Variants in MTCH2 observed in about 807,000 individuals in gnomAD.
The protein encoded by MTCH2 is mitochondrial carrier homolog 2.
A neutral mutation model predicts 50.6 loss-of-function variants in MTCH2; 25 were observed. The ratio of observed to expected loss-of-function variants is 0.49; its 90% confidence interval spans 0.36 to 0.69. The LOEUF is 0.69. Among genes scored for constraint, MTCH2 ranks in the 30% least tolerant of loss-of-function variants. The pLI, the probability that MTCH2 is intolerant of heterozygous loss-of-function variation, is 0.00. For missense variants in MTCH2, 273 were observed against 384.4 expected, an observed-to-expected ratio of 0.71 and a Z score of 2.42; for synonymous variants, 106 against 132.0, an observed-to-expected ratio of 0.80 and a Z score of 1.35.
downstream of MTCH2, among the ~76,000 whole-genome samples, chr11:47,616,206 A>C (rs1010590525): frequency 6.6e-6 from 1 of 152,082 alleles, no homozygotes; most frequent in African/African-American, 2.4e-5. Context: ...CCTGGACTCA[A>C]GTGATCCACT....
intron 5 of MTCH2, among the ~76,000 whole-genome samples, chr11:47,632,551 G>A (rs571946314): frequency 5.0e-4 from 76 of 151,792 alleles, no homozygotes; most frequent in Admixed American, 3.2e-3. Flanking sequence ...TAGTAGAGAC[G>A]GTTTCACCGT....
chr11:47,631,642 C>T lies in MTCH2; in HGVS notation c.427+12G>A. 1 of 1,613,900 alleles carries T rather than the reference C, an allele frequency of 6.2e-7. No homozygotes were observed. The highest frequency in any genetic ancestry group is 1.1e-5 in the South Asian group (1 of 91,072). Reference sequence around the variant, plus strand: ...TTATAAAAGAAAGGTCAGTTGTCAACTGCAAACATACCATGGAAGGGATGT... The same window carrying T: ...TTATAAAAGAAAGGTCAGTTGTCAATTGCAAACATACCATGGAAGGGATGT... On this transcript the variant is annotated intron_variant, in intron 6 of 12. Coordinates refer to ENST00000302503, the MANE Select transcript of MTCH2 (RefSeq NM_014342.4).
At chr11:47,621,221 C>T (rs1473487855) in intron 12 of MTCH2, among the ~76,000 whole-genome samples, 1 of 152,190 alleles carries the variant, frequency 6.6e-6, no homozygotes, top group African/African-American at 2.4e-5. Flanking sequence ...CAACTACAAA[C>T]AACACTTAGG....
In MTCH2 at chr11:47,638,899, T is replaced by A. The variant is rs541266356; in HGVS notation, c.172+68A>T. The A allele has an allele frequency of 8.2e-6, 13 of 1,577,138 alleles. No homozygotes were observed. In the African/African-American group the frequency reaches 1.5e-4, roughly 18 times the overall value. On this transcript the variant is annotated intron_variant, in intron 2 of 12. Coordinates refer to ENST00000302503, the MANE Select transcript of MTCH2 (RefSeq NM_014342.4). ...AAACAAGCTTTCTATATATTTTCTT[T>A]CAATAACAACTCCTGCCTATCACAG...
At chr11:47,622,669 A>T (rs748566200) in intron 12 of MTCH2, 32 bp downstream of exon 12, 11 of 1,481,972 alleles carry the variant, frequency 7.4e-6, no homozygotes, top group Middle Eastern at 1.7e-4. Flanking sequence ...ATAAAACAAA[A>T]TAAAATGAGA....
chr11:47,611,316 T>C, the MTCH2 span, among the ~76,000 whole-genome samples: 1 of 152,236 alleles, frequency 6.6e-6, no homozygotes, highest in Non-Finnish European at 1.5e-5. Context: ...AGGTGAGGCA[T>C]GGTTCTGTTG....
At chr11:47,610,659 C>T in the MTCH2 span, among the ~76,000 whole-genome samples, 4 of 152,092 alleles carry the variant, frequency 2.6e-5, no homozygotes, top group African/African-American at 4.8e-5. Flanking sequence ...GAGCCGAGAT[C>T]GAGCCACTTC....
intron 10 of MTCH2, among the ~76,000 whole-genome samples, chr11:47,626,671 G>A (rs986330771): frequency 2.0e-5 from 3 of 151,840 alleles, no homozygotes; most frequent in Non-Finnish European, 4.4e-5. Flanking sequence ...GAAGTGCAGT[G>A]GCGTGATCTC....
At chr11:47,629,921 T>C (rs964306775) in intron 8 of MTCH2, among the ~76,000 whole-genome samples, 12 of 152,092 alleles carry the variant, frequency 7.9e-5, no homozygotes, top group African/African-American at 2.7e-4. Context: ...TTTTTCAACA[T>C]TTAATTTTTC....
At chr11:47,607,455 G>A in the MTCH2 span, among the ~76,000 whole-genome samples, 6 of 152,182 alleles carry the variant, frequency 3.9e-5, no homozygotes, top group East Asian at 1.2e-3. Context: ...TGGGGGCGGA[G>A]GACAGGAAAC....
rs947930044 is a variant in MTCH2 at position 47,618,291 on chromosome 11, T to G, written c.*542A>C. On this transcript the variant is annotated 3_prime_UTR_variant, in exon 13 of 13. Coordinates refer to ENST00000302503, the MANE Select transcript of MTCH2 (RefSeq NM_014342.4). ...TCCTCACACAGACTTTCTAGGGTAA[T>G]GTAGCAATGTACTGTCCTTTTCTTG... 56 of 160,278 alleles carry G rather than the reference T, an allele frequency of 3.5e-4. No individual in the cohort carries two copies. Among genetic ancestry groups the G allele is most frequent in the Non-Finnish European group, 6.9e-4 (51 of 74,268 alleles). 9.9% of individuals were successfully genotyped at this position (160,278 alleles called of 1,614,324 possible).
At chr11:47,641,144 TC>T (rs2097313810) in intron 1 of MTCH2, among the ~76,000 whole-genome samples, 1 of 152,134 alleles carries the variant, frequency 6.6e-6, no homozygotes. Flanking sequence ...TCCGCTCACC[TC>T]GGCCTCCCAA....
chr11:47,616,438 C>T (rs1263405312), downstream of MTCH2, among the ~76,000 whole-genome samples: 1 of 151,988 alleles, frequency 6.6e-6, no homozygotes, highest in Non-Finnish European at 1.5e-5. Flanking sequence ...CCTCCAGCTC[C>T]CAGGTTCAAG....
At chr11:47,628,034 T>C (rs763352637) in intron 9 of MTCH2, among the ~76,000 whole-genome samples, 9 of 152,136 alleles carry the variant, frequency 5.9e-5, no homozygotes, top group Admixed American at 2.0e-4. Context: ...TTCACTACCT[T>C]TGTTTTACAC....
In MTCH2 at chr11:47,642,432, A is replaced by T. The variant is rs1245886370; in HGVS notation, c.34T>A (p.Ser12Thr). 6.2e-7 allele frequency: 1 copy of T among 1,608,560 alleles called. No homozygotes were observed. Among genetic ancestry groups the T allele is most frequent in the Non-Finnish European group, 8.5e-7 (1 of 1,177,978 alleles). The change falls in exon 1 of 13, where the codon TCC becomes ACC. Residue 12 changes from serine (S) to threonine (T), a missense_variant. Ser to Thr is a moderately conservative substitution (Grantham distance 58, BLOSUM62 1). This residue lies in a region of MTCH2 where 203 missense variants were observed against 244.3 expected (regional missense o/e 0.83). Transcript: ENST00000302503. ...ADAASQVLLG[S>T]GLTILSQPLM... ...GGCTGGGACAGGATGGTGAGACCGG[A>T]GCCCAGGAGCACCTGACTGGCCGCG...
intron 3 of MTCH2, among the ~76,000 whole-genome samples, chr11:47,637,088 C>G (rs993146846): frequency 6.6e-6 from 1 of 151,740 alleles, no homozygotes; most frequent in East Asian, 1.9e-4. Flanking sequence ...CTCCCAGATT[C>G]AAGCGATTCT....
the MTCH2 span, among the ~76,000 whole-genome samples, chr11:47,612,110 T>G: frequency 6.6e-6 from 1 of 152,128 alleles, no homozygotes; most frequent in Non-Finnish European, 1.5e-5. Context: ...CAAGATAGTC[T>G]CCTGAAAAGA....
intron 5 of MTCH2, among the ~76,000 whole-genome samples, chr11:47,634,092 T>C (rs2097306242): frequency 6.6e-6 from 1 of 152,132 alleles, no homozygotes; most frequent in African/African-American, 2.4e-5. Flanking sequence ...TACTTTTTTC[T>C]AAAGACAAGG....
intron 1 of MTCH2, among the ~76,000 whole-genome samples, chr11:47,642,101 A>C (rs1027880302): frequency 6.6e-6 from 1 of 152,122 alleles, no homozygotes; most frequent in Non-Finnish European, 1.5e-5. Flanking sequence ...GAAGAACCAA[A>C]GTTCAGAGGA....
Sources: allele counts gnomAD v4.1 joint callset (sites outside exome capture counted in the v4.1 genomes callset), GRCh38; gene constraint gnomAD v4.1.1; regional missense constraint gnomAD v4.1.1; transcripts MANE v1.5; gene names NCBI Gene and HGNC (gene_info 2026-07-23, HGNC 2026-07-21).